MIGA2: variants seen among roughly 807,000 people sequenced by gnomAD.
MIGA2 encodes family with sequence similarity 73, member B.
In MIGA2, 36 loss-of-function variants were observed where a neutral mutation model predicts 69.9. The observed-to-expected ratio is 0.52, with a 90% CI of 0.39 to 0.68. The LOEUF (loss-of-function observed/expected upper bound fraction) is 0.68. MIGA2 is among the 30% of genes least tolerant of loss of function. The probability of loss-of-function intolerance (pLI) is 0.00; values close to 1 mark genes in which losing one functional copy is unlikely to be tolerated. For missense variants in MIGA2, 660 were observed against 787.7 expected (o/e 0.84, Z 1.94); for synonymous variants, 333 against 349.2 (o/e 0.95, Z 0.52).
intron 6 of MIGA2, among the ~76,000 whole-genome samples, chr9:129,054,174 C>A (rs1845685714): frequency 6.6e-6 from 1 of 152,162 alleles, no homozygotes; most frequent in Non-Finnish European, 1.5e-5. Flanking sequence ...ACCCCTGGTC[C>A]AGCATGGTGG....
At chr9:129,063,026 A>G (rs1846147882) in intron 9 of MIGA2, 1 of 592,934 alleles carries the variant, frequency 1.7e-6, no homozygotes, top group East Asian at 2.8e-5. Context: ...TGAGAGGCTG[A>G]CACGTCCTCA....
intron 3 of MIGA2, among the ~76,000 whole-genome samples, chr9:129,048,131 C>T (rs1026735709): frequency 6.6e-6 from 1 of 152,208 alleles, no homozygotes; most frequent in Admixed American, 6.5e-5. Flanking sequence ...AGCAAGGAGG[C>T]GGGAAAGCAG....
At chr9:129,051,035 G>A (rs1489597914) in intron 6 of MIGA2, among the ~76,000 whole-genome samples, 3 of 151,216 alleles carry the variant, frequency 2.0e-5, no homozygotes, top group Non-Finnish European at 4.4e-5. Flanking sequence ...CACCCCATGT[G>A]GCTAATTTTT....
At chr9:129,046,315 C>T (rs570745362) in intron 3 of MIGA2, among the ~76,000 whole-genome samples, 1 of 152,250 alleles carries the variant, frequency 6.6e-6, no homozygotes, top group African/African-American at 2.4e-5. Context: ...ACCTTATTTT[C>T]CCTTCCCTAC....
chr9:129,055,187 C>T lies in MIGA2; in HGVS notation c.676-3967C>T, dbSNP rs1318877396. Among the ~76,000 whole-genome samples the T allele has an allele frequency of 3.3e-5, 5 of 151,442 alleles. No homozygotes were observed. In the East Asian group the frequency reaches 9.7e-4, roughly 29 times the overall value. ...CTGCCTCCTGAGTTCATACCATTCTCCTGCCTCAGCCTCCTGAGTAGCTGG... is the reference window on the plus strand; with the variant it reads ...CTGCCTCCTGAGTTCATACCATTCTTCTGCCTCAGCCTCCTGAGTAGCTGG... On this transcript the variant is annotated intron_variant, in intron 6 of 15. Coordinates refer to ENST00000684074, the MANE Select transcript of MIGA2 (RefSeq NM_001329990.2).
At chr9:129,053,637 G>C (rs6478860) in intron 6 of MIGA2, among the ~76,000 whole-genome samples, 6,383 of 152,234 alleles carry the variant, frequency 0.042, 281 homozygotes, top group African/African-American at 0.11. Flanking sequence ...AACGTGCTGA[G>C]ATTACAGGCA....
chr9:129,039,532 A>G (rs2131336332), intron 1 of MIGA2, among the ~76,000 whole-genome samples: 1 of 151,800 alleles, frequency 6.6e-6, no homozygotes, highest in East Asian at 1.9e-4. Flanking sequence ...GGCGTAAGCC[A>G]CTGTGCCCAG....
Position 129,063,593 on chromosome 9 carries a change from C to A in MIGA2, c.1132C>A (p.Arg378=). The A allele has an allele frequency of 1.9e-6, 3 of 1,604,822 alleles. No individual in the cohort carries two copies. Among genetic ancestry groups the A allele is most frequent in the Non-Finnish European group, 1.7e-6 (2 of 1,178,584 alleles). ...SNQLFFGKVG[R]QMVTGLMTKA... ...CCAGCTTTTCTTCGGGAAAGTGGGC[C>A]GACAGATGGTGACAGGCCTGATGAC... Residue 378 remains arginine (R), a synonymous_variant, in exon 11 of 16, where the codon CGA becomes AGA. Transcript: ENST00000684074.
Position 129,070,364 on chromosome 9 carries a change from C to A in MIGA2, c.1693C>A (p.Leu565Met). The A allele has an allele frequency of 6.2e-7, 1 of 1,612,812 alleles. No individual in the cohort carries two copies. Among genetic ancestry groups the A allele is most frequent in the Non-Finnish European group, 8.5e-7 (1 of 1,179,894 alleles). Residue 565 changes from leucine (L) to methionine (M), a missense_variant, in exon 16 of 16, where the codon CTG becomes ATG. Around this residue, in one of 3 missense-constraint regions of MIGA2, gnomAD observed 220 missense variants for 301.7 expected, o/e 0.73. Transcript: ENST00000684074. The stretch of plus-strand genomic sequence containing the variant: ...GTCCCGGCGCCGCAGCGAGATATTG[C>A]TGGGGTACCTGGGGGTGCCCGCGGC... ...QLSRRRSEIL[L>M]GYLGVPAASS...
chr9:129,036,847 C>T lies in MIGA2; in HGVS notation c.-144+166C>T, dbSNP rs1025379702. 39 of 715,640 alleles carry T rather than the reference C, an allele frequency of 5.4e-5. No homozygotes were observed. In the African/African-American group the frequency reaches 7.4e-4, roughly 14 times the overall value. The allele number at this position is 715,640 out of a possible 1,614,324, so 44.3% of individuals were successfully genotyped here. ...GGGCCGGGGACGGTGCGAGAGGGTG[C>T]CTTGCTTGGGAGCGGAACGAGAAGG... is the stretch of plus-strand genomic sequence containing the variant. On this transcript the variant is annotated intron_variant, in intron 1 of 15. Transcript: ENST00000684074.
In MIGA2 at chr9:129,068,082, T is replaced by A. The variant is rs746212564; in HGVS notation, c.1270-116T>A. ...TGCACAGCAGAGCGGGAAAGACGTG[T>A]CCCCCCCACGTGTGCTCATGCCCTG... On this transcript the variant is annotated intron_variant, in intron 12 of 15. Transcript: ENST00000684074. The surrounding 1 kb of genome is among the most constrained non-coding windows in gnomAD (Gnocchi z 4.1). 6.9e-7 allele frequency: 1 copy of A among 1,439,798 alleles called. No individual in the cohort carries two copies. The highest frequency in any genetic ancestry group is 9.7e-7 in the Non-Finnish European group (1 of 1,026,014). The allele number at this position is 1,439,798 out of a possible 1,614,324, so 89.2% of individuals were successfully genotyped here. A position where few individuals can be genotyped will look rare whatever the true frequency, so the allele number is the denominator to read the frequency against.
chr9:129,069,672 C>T lies in MIGA2; in HGVS notation c.1459-177C>T, dbSNP rs1343490895. On this transcript the variant is annotated intron_variant, in intron 14 of 15. Coordinates refer to ENST00000684074, the MANE Select transcript of MIGA2 (RefSeq NM_001329990.2). This position sits in a 1 kb window ranked among gnomAD's most constrained non-coding sequence, Gnocchi z 4.9. ...GTACTCACAGCGGCCCATGGTTACCCTGTCTGCAGAAGTTAAAATGGGCTT... is the reference window on the plus strand; with the variant it reads ...GTACTCACAGCGGCCCATGGTTACCTTGTCTGCAGAAGTTAAAATGGGCTT... The T allele has an allele frequency of 3.1e-6, 2 of 642,092 alleles. No individual in the cohort carries two copies. Among genetic ancestry groups the T allele is most frequent in the African/African-American group, 3.6e-5 (2 of 55,488 alleles). 39.8% of individuals were successfully genotyped at this position (642,092 alleles called of 1,614,324 possible).
chr9:129,044,971 A>G (rs1211385528), intron 3 of MIGA2, among the ~76,000 whole-genome samples: 1 of 144,998 alleles, frequency 6.9e-6, no homozygotes, highest in East Asian at 2.2e-4. Context: ...AGGCTAAAGC[A>G]GGCGGATCCC....
In MIGA2 at chr9:129,060,724, C is replaced by T. The variant is rs1022343181; in HGVS notation, c.894+74C>T. 54 of 1,250,410 alleles carry T rather than the reference C, an allele frequency of 4.3e-5. No individual in the cohort carries two copies. The highest frequency in any genetic ancestry group is 6.1e-5 in the Non-Finnish European group (54 of 890,672). 77.5% of individuals were successfully genotyped at this position (1,250,410 alleles called of 1,614,324 possible). A position where few individuals can be genotyped will look rare whatever the true frequency, so the allele number is the denominator to read the frequency against. ...CCTCTGCAGGTCCATGGGGCCAGCA[C>T]TGGGTCATGGGAAAGTGGAGGCATT... On this transcript the variant is annotated intron_variant, in intron 8 of 15. Coordinates refer to ENST00000684074, the MANE Select transcript of MIGA2 (RefSeq NM_001329990.2). The surrounding 1 kb of genome is among the most constrained non-coding windows in gnomAD (Gnocchi z 4.8).
chr9:129,061,788 T>G lies in MIGA2; in HGVS notation c.1010+442T>G, dbSNP rs1368287715. On this transcript the variant is annotated intron_variant, in intron 9 of 15. Transcript: ENST00000684074. The surrounding 1 kb of genome is among the most constrained non-coding windows in gnomAD (Gnocchi z 5.0). ...ACAGCCACACAGGGGGCACTGGTCC[T>G]AAGCGCAGTGTCTGGACACAGCTCC... 6.6e-6 allele frequency among the ~76,000 whole-genome samples: 1 copy of G among 152,174 alleles called. No individual in the cohort carries two copies. Among genetic ancestry groups the G allele is most frequent in the Non-Finnish European group, 1.5e-5 (1 of 68,030 alleles).
chr9:129,043,704 CT>C (rs903288618), intron 3 of MIGA2, among the ~76,000 whole-genome samples: 67 of 145,678 alleles, frequency 4.6e-4, no homozygotes, highest in Non-Finnish European at 5.0e-4. Context: ...TCTTTCTACT[CT>C]TTTTTTTTTT....
At position 129,063,320 on chromosome 9, in the gene MIGA2, G is replaced by A; in HGVS notation, c.1083+4G>A. The A allele has an allele frequency of 1.9e-6, 3 of 1,614,052 alleles. No homozygotes were observed. The highest frequency in any genetic ancestry group is 2.5e-6 in the Non-Finnish European group (3 of 1,180,020). Reference sequence around the variant, plus strand: ...CTGTGTGCGGCAGGCCTTCGAGGTGGGTGTGGCCTGGGGGTTCCTCGGGGG... The same window carrying A: ...CTGTGTGCGGCAGGCCTTCGAGGTGAGTGTGGCCTGGGGGTTCCTCGGGGG... On this transcript the variant is annotated splice_donor_region_variant and intron_variant, in intron 10 of 15. Coordinates refer to ENST00000684074, the MANE Select transcript of MIGA2 (RefSeq NM_001329990.2).
chr9:129,045,939 C>T (rs1216317463), intron 3 of MIGA2, among the ~76,000 whole-genome samples: 3 of 151,546 alleles, frequency 2.0e-5, no homozygotes, highest in Admixed American at 6.6e-5. Flanking sequence ...CTGCAACCTC[C>T]GCCTCCCGGG....
chr9:129,061,002 T>C lies in MIGA2; in HGVS notation c.895-229T>C, dbSNP rs1388771325. On this transcript the variant is annotated intron_variant, in intron 8 of 15. Coordinates refer to ENST00000684074, the MANE Select transcript of MIGA2 (RefSeq NM_001329990.2). The surrounding 1 kb of genome is among the most constrained non-coding windows in gnomAD (Gnocchi z 5.0). The stretch of plus-strand genomic sequence containing the variant: ...TGGGAGGACATGCACATGTGTCCTT[T>C]AGATGGCCTTTTTGGGAGGGACCCC... Among the ~76,000 whole-genome samples the C allele has an allele frequency of 6.6e-6, 1 of 151,688 alleles. No homozygotes were observed.
Sources: allele counts gnomAD v4.1 joint callset (sites outside exome capture counted in the v4.1 genomes callset), GRCh38; gene constraint gnomAD v4.1.1; regional missense constraint gnomAD v4.1.1; non-coding constraint Gnocchi (gnomAD v3.1); transcripts MANE v1.5; gene names NCBI Gene and HGNC (gene_info 2026-07-23, HGNC 2026-07-21).